Variants in CRACR2A observed in about 807,000 individuals in gnomAD.
CRACR2A encodes the protein calcium release activated channel regulator 2A, also known as EF-hand calcium-binding domain-containing protein 4B.
CRACR2A carries 79 observed loss-of-function variants against 90.5 expected under a neutral mutation model. That is an observed-to-expected ratio of 0.87 (90% CI 0.73 to 1.05). CRACR2A has a LOEUF of 1.05. CRACR2A is among the 50% of genes least tolerant of loss of function. The pLI is 0.00. For synonymous variants in CRACR2A, 338 were observed against 356.7 expected, an observed-to-expected ratio of 0.95 and a Z score of 0.59; for missense variants, 823 against 897.2, an observed-to-expected ratio of 0.92 and a Z score of 1.06.
chr12:3,692,469 G>GA (rs1945664789), intron 4 of CRACR2A, among the ~76,000 whole-genome samples: 1 of 106,654 alleles, frequency 9.4e-6, no homozygotes, highest in Non-Finnish European at 1.7e-5. Context: ...TCAGGCCCTG[G>GA]TTTTTTTTCT....
intron 17 of CRACR2A, among the ~76,000 whole-genome samples, chr12:3,623,911 C>T (rs532883233): frequency 6.6e-6 from 1 of 152,312 alleles, no homozygotes; most frequent in South Asian, 2.1e-4. Context: ...ATCTCCTCAT[C>T]CACACACATT....
intron 12 of CRACR2A, among the ~76,000 whole-genome samples, chr12:3,643,764 CTATA>C (rs151048792): frequency 8.9e-6 from 1 of 112,686 alleles, no homozygotes; most frequent in African/African-American, 3.5e-5. Flanking sequence ...TGCACACAGA[CTATA>C]TATATATAGT....
chr12:3,687,424 C>T lies in CRACR2A; in HGVS notation c.229-7075G>A, dbSNP rs182137273. ...CCATGTGTTCTCATCCTTTAGCTCC[C>T]ACTTATAAGTAGGAACATGTGGTAT... On this transcript the variant is annotated intron_variant, in intron 4 of 19. Coordinates refer to ENST00000440314, the MANE Select transcript of CRACR2A (RefSeq NM_001144958.2). 4.4e-3 allele frequency among the ~76,000 whole-genome samples: 667 copies of T among 152,202 alleles called. 2 individuals are homozygous for T. The highest frequency in any genetic ancestry group is 0.015 in the African/African-American group (630 of 41,512).
intron 9 of CRACR2A, among the ~76,000 whole-genome samples, chr12:3,655,323 G>A (rs1417707886): frequency 3.3e-5 from 5 of 152,222 alleles, no homozygotes; most frequent in Non-Finnish European, 7.3e-5. Flanking sequence ...ACTGTGGATG[G>A]GGAAATGGGG....
intron 3 of CRACR2A, among the ~76,000 whole-genome samples, chr12:3,702,741 C>A (rs967456039): frequency 6.6e-6 from 1 of 152,154 alleles, no homozygotes. Flanking sequence ...CATCTCAATT[C>A]CAGTCAAAAT....
chr12:3,652,316 C>T (rs2137448712), intron 10 of CRACR2A, among the ~76,000 whole-genome samples: 2 of 152,284 alleles, frequency 1.3e-5, no homozygotes, highest in East Asian at 3.9e-4. Flanking sequence ...AGCTAAATGC[C>T]TGTACCTTGT....
intron 7 of CRACR2A, among the ~76,000 whole-genome samples, chr12:3,665,898 C>G (rs1367251319): frequency 6.6e-6 from 1 of 152,172 alleles, no homozygotes; most frequent in Non-Finnish European, 1.5e-5. Context: ...AAGTTATACT[C>G]TCTGTGTAAT....
chr12:3,679,117 A>C lies in CRACR2A; in HGVS notation c.341-19T>G. 1 of 1,604,136 alleles carries C rather than the reference A, an allele frequency of 6.2e-7. No homozygotes were observed. Among genetic ancestry groups the C allele is most frequent in the Non-Finnish European group, 8.5e-7 (1 of 1,175,648 alleles). ...AAGTGACCTGGGGGGTGCAGGGCACAAGGATCCGAATTAGACCATACCCAT... is the reference window on the plus strand; with the variant it reads ...AAGTGACCTGGGGGGTGCAGGGCACCAGGATCCGAATTAGACCATACCCAT... On this transcript the variant is annotated intron_variant, in intron 5 of 19. Coordinates refer to ENST00000440314, the MANE Select transcript of CRACR2A (RefSeq NM_001144958.2).
At chr12:3,675,794 G>A (rs1459841002) in intron 6 of CRACR2A, among the ~76,000 whole-genome samples, 1 of 152,128 alleles carries the variant, frequency 6.6e-6, no homozygotes, top group African/African-American at 2.4e-5. Flanking sequence ...GAAGATCTGA[G>A]GATAGCTCTG....
chr12:3,730,525 G>C (rs999496482), intron 2 of CRACR2A: 1 of 152,198 alleles, frequency 6.6e-6, no homozygotes, highest in African/African-American at 2.4e-5. Flanking sequence ...AGTGTTTCTT[G>C]TAATATTAAC....
chr12:3,635,406 T>C (rs894125559), intron 14 of CRACR2A, among the ~76,000 whole-genome samples: 1 of 152,214 alleles, frequency 6.6e-6, no homozygotes, highest in African/African-American at 2.4e-5. Flanking sequence ...AGAAATAAAA[T>C]GTATGCTAAT....
At position 3,633,618 on chromosome 12, in the gene CRACR2A, A is replaced by G. The variant is rs1944412084; in HGVS notation, c.1721T>C (p.Met574Thr). The G allele has an allele frequency of 3.9e-6, 6 of 1,551,566 alleles. No homozygotes were observed. Among genetic ancestry groups the G allele is most frequent in the African/African-American group, 2.7e-5 (2 of 73,046 alleles). Residue 574 changes from methionine (M) to threonine (T), a missense_variant, in exon 15 of 20, where the codon ATG becomes ACG. Met to Thr is a moderately conservative substitution (Grantham distance 81, BLOSUM62 -1). Coordinates refer to ENST00000440314, the MANE Select transcript of CRACR2A (RefSeq NM_001144958.2). The surrounding 1 kb of genome is among the most constrained non-coding windows in gnomAD (Gnocchi z 4.5). The stretch of plus-strand genomic sequence containing the variant: ...TGAGAACTCACCCACAGTGGCCGCC[A>G]TGCCTGGGGAGAACCGGTCCTCACA... ...RFCEDRFSPG[M>T]AATVGIDYRV...
At chr12:3,673,638 C>T in intron 6 of CRACR2A, 46 bp from the exon 7 acceptor site, 1 of 1,598,424 alleles carries the variant, frequency 6.3e-7, no homozygotes, top group South Asian at 1.1e-5. Flanking sequence ...GATGAGGCTT[C>T]ACGGGAAATA....
chr12:3,717,022 A>G (rs1022807103), intron 2 of CRACR2A, among the ~76,000 whole-genome samples: 1 of 152,174 alleles, frequency 6.6e-6, no homozygotes, highest in Admixed American at 6.5e-5. Context: ...GGCATTCGAT[A>G]CCACAGGACT....
At chr12:3,619,223 C>T (rs1252615608) in intron 18 of CRACR2A, 48 bp downstream of exon 18, 2 of 1,493,432 alleles carry the variant, frequency 1.3e-6, no homozygotes, top group Non-Finnish European at 1.8e-6. Context: ...GCCCAACTTC[C>T]CTCGGGGTCA....
At chr12:3,745,603 G>A (rs1038489522) in intron 1 of CRACR2A, among the ~76,000 whole-genome samples, 17 of 151,562 alleles carry the variant, frequency 1.1e-4, no homozygotes, top group Non-Finnish European at 2.4e-4. Flanking sequence ...GAGAAACCCC[G>A]TCTCTACTAA....
In CRACR2A at chr12:3,681,733, G is replaced by T. The variant is rs114721115; in HGVS notation, c.229-1384C>A. Reference sequence around the variant, plus strand: ...ATACCAACCTCAACAATAAAAAAGAGCTGGCAGGTGTGAAAGCCCATAACA... The same window carrying T: ...ATACCAACCTCAACAATAAAAAAGATCTGGCAGGTGTGAAAGCCCATAACA... On this transcript the variant is annotated intron_variant, in intron 4 of 19. Transcript: ENST00000440314. 1.7e-3 allele frequency among the ~76,000 whole-genome samples: 257 copies of T among 152,328 alleles called. 1 individual carries two copies. Among genetic ancestry groups the T allele is most frequent in the African/African-American group, 5.8e-3 (240 of 41,566 alleles).
chr12:3,625,716 G>A (rs56308739), intron 17 of CRACR2A, among the ~76,000 whole-genome samples: 13,476 of 150,950 alleles, frequency 0.089, 647 homozygotes, highest in Middle Eastern at 0.16. Context: ...GGAGATGGGG[G>A]ATGAGGGACC....
chr12:3,735,834 C>T (rs1244581518), intron 1 of CRACR2A, among the ~76,000 whole-genome samples: 1 of 152,212 alleles, frequency 6.6e-6, no homozygotes, highest in Non-Finnish European at 1.5e-5. Flanking sequence ...AGAACCTCCG[C>T]AGGTGAGGCC....
Sources: allele counts gnomAD v4.1 joint callset (sites outside exome capture counted in the v4.1 genomes callset), GRCh38; gene constraint gnomAD v4.1.1; non-coding constraint Gnocchi (gnomAD v3.1); transcripts MANE v1.5; gene names NCBI Gene and HGNC (gene_info 2026-07-23, HGNC 2026-07-21).